Variants in BRD8 observed in about 807,000 individuals in gnomAD.
BRD8 encodes bromodomain containing 8, also known as bromodomain-containing protein 8.
In BRD8, 67 loss-of-function variants were observed where a neutral mutation model predicts 143.1. The ratio of observed to expected loss-of-function variants is 0.47; its 90% CI spans 0.38 to 0.57. The LOEUF (loss-of-function observed/expected upper bound fraction) is 0.57. Among genes scored for constraint, BRD8 ranks in the 20% least tolerant of loss-of-function variants. The probability of loss-of-function intolerance (pLI) is 0.00; values close to 1 mark genes in which losing one functional copy is unlikely to be tolerated. For synonymous variants in BRD8, 505 were observed against 517.1 expected (o/e 0.98, Z 0.32); for missense variants, 1,103 against 1,503.0 (o/e 0.73, Z 4.40).
chr5:138,140,649 C>T, intron 26 of BRD8, 56 bp downstream of exon 26: 2 of 1,552,138 alleles, frequency 1.3e-6, no homozygotes, highest in Non-Finnish European at 1.8e-6. Flanking sequence ...CACCTTTATT[C>T]TCATAGGCGT....
chr5:138,160,893 G>A lies in BRD8; in HGVS notation c.2425C>T (p.Gln809Ter). The A allele has an allele frequency of 6.3e-7, 1 of 1,589,648 alleles. No homozygotes were observed. The highest frequency in any genetic ancestry group is 8.6e-7 in the Non-Finnish European group (1 of 1,167,534). ...AACACAAAGGATCCTCAAAGTACCTGGATCTGTTCCAAGACATCTCGCTGC... is the reference window on the plus strand; with the variant it reads ...AACACAAAGGATCCTCAAAGTACCTAGATCTGTTCCAAGACATCTCGCTGC... ...EMQRDVLEQI[Q>*]QFLATQLIMQ... Residue 809 changes from glutamine (Q) to a stop codon, truncating the protein, a stop_gained and splice_region_variant, in exon 18 of 27, where the codon CAG becomes TAG. Coordinates refer to ENST00000254900, the MANE Select transcript of BRD8 (RefSeq NM_139199.2). LOFTEE classifies it high-confidence loss of function.
intron 15 of BRD8, among the ~76,000 whole-genome samples, chr5:138,162,455 C>CA (rs1454157679): frequency 6.6e-6 from 1 of 151,982 alleles, no homozygotes; most frequent in African/African-American, 2.4e-5. Flanking sequence ...CTTAGCCTCC[C>CA]AAAGTGCTGG....
rs908535300 is a variant in BRD8 at position 138,161,665 on chromosome 5, A to G, written c.2249+131T>C. ...ATCTAGCCACTGGAATTATCAGTTT[A>G]GCACTCAGTGCCCCTTATAGCAAAA... On this transcript the variant is annotated intron_variant, in intron 17 of 26. Transcript: ENST00000254900. The G allele has an allele frequency of 7.6e-6, 6 of 786,094 alleles. No homozygotes were observed. The African/African-American group carries it at 1.0e-4, about 14-fold the overall frequency. 48.7% of individuals were successfully genotyped at this position (786,094 alleles called of 1,614,324 possible).
intron 23 of BRD8, among the ~76,000 whole-genome samples, chr5:138,147,904 C>T (rs1159577678): frequency 6.6e-6 from 1 of 151,724 alleles, no homozygotes; most frequent in East Asian, 1.9e-4. Flanking sequence ...TGCCATTGCA[C>T]TCTAACTTGG....
chr5:138,178,242 G>A (rs758277401), intron 1 of BRD8, among the ~76,000 whole-genome samples: 4 of 152,268 alleles, frequency 2.6e-5, no homozygotes, highest in Middle Eastern at 3.4e-3. Flanking sequence ...ACAAACGTCA[G>A]ACAAAAAAAT....
chr5:138,166,335 T>C (rs1464547716), intron 10 of BRD8, 183 bp downstream of exon 10: 63 of 617,466 alleles, frequency 1.0e-4, no homozygotes, highest in Non-Finnish European at 2.3e-5. Flanking sequence ...CTGCAATACA[T>C]AAATGCCCAC....
chr5:138,170,435 G>A (rs749792013), intron 6 of BRD8, 26 bp from the exon 7 acceptor site: 2 of 1,613,356 alleles, frequency 1.2e-6, no homozygotes, highest in South Asian at 1.1e-5. Flanking sequence ...AGGGTTAGAT[G>A]CTAGACAGCT....
chr5:138,156,434 G>A (rs955416163), intron 20 of BRD8, among the ~76,000 whole-genome samples: 5 of 151,974 alleles, frequency 3.3e-5, no homozygotes, highest in Admixed American at 6.6e-5. Flanking sequence ...CACCACGCCC[G>A]GCCGCCAAGA....
rs766639644 is a variant in BRD8 at position 138,140,024 on chromosome 5, G to A, written c.*50C>T. 2.5e-5 allele frequency: 36 copies of A among 1,444,984 alleles called. No individual in the cohort carries two copies. Among genetic ancestry groups the A allele is most frequent in the Non-Finnish European group, 3.1e-5 (32 of 1,026,704 alleles). 89.5% of individuals were successfully genotyped at this position (1,444,984 alleles called of 1,614,324 possible). A position where few individuals can be genotyped will look rare whatever the true frequency, so the allele number is the denominator to read the frequency against. ...GTACCAGGATCCTCTCTAGGTCAGAGTTCCGGGAGAGATTCAAACTCTAGA... is the reference window on the plus strand; with the variant it reads ...GTACCAGGATCCTCTCTAGGTCAGAATTCCGGGAGAGATTCAAACTCTAGA... On this transcript the variant is annotated 3_prime_UTR_variant, in exon 27 of 27. Coordinates refer to ENST00000254900, the MANE Select transcript of BRD8 (RefSeq NM_139199.2).
In BRD8 at chr5:138,151,792, T is replaced by C. The variant is rs547667996; in HGVS notation, c.2856+690A>G. On this transcript the variant is annotated intron_variant, in intron 21 of 26. Coordinates refer to ENST00000254900, the MANE Select transcript of BRD8 (RefSeq NM_139199.2). ...GATTCTCCTGCCTCAGCCTCCCAGG[T>C]AGCTGGGATTACAGGCACATGCCAC... Among the ~76,000 whole-genome samples the C allele has an allele frequency of 1.3e-4, 20 of 150,988 alleles. 1 individual carries two copies. The South Asian group carries it at 4.0e-3, about 30-fold the overall frequency.
At chr5:138,161,900 C>G (rs1162804469) in intron 16 of BRD8, 36 bp from the exon 17 acceptor site, 17 of 1,609,880 alleles carry the variant, frequency 1.1e-5, no homozygotes, top group East Asian at 2.2e-5. Context: ...TACTGACATT[C>G]TCCAGAAGTG....
At chr5:138,147,106 C>A (rs1752185133) in intron 23 of BRD8, among the ~76,000 whole-genome samples, 1 of 150,878 alleles carries the variant, frequency 6.6e-6, no homozygotes, top group Admixed American at 6.6e-5. Context: ...CCTCACCAAT[C>A]TACATTTTAA....
chr5:138,162,289 C>T, intron 15 of BRD8, 143 bp from the exon 16 acceptor site: 1 of 634,256 alleles, frequency 1.6e-6, no homozygotes, highest in East Asian at 2.8e-5. Flanking sequence ...CCCTCAACCT[C>T]CCAGACTCAA....
Position 138,160,159 on chromosome 5 carries a change from C to G in BRD8, c.2442G>C (p.Thr814=). Residue 814 remains threonine, a synonymous_variant, in exon 19 of 27, where the codon ACG becomes ACC. Transcript: ENST00000254900. ...VLEQIQQFLA[T]QLIMQTSESG... ...ACTCGGATGTTTGCATAATCAACTGCGTGGCCAAGAATTGCTGTAGGGAGA... is the reference window on the plus strand; with the variant it reads ...ACTCGGATGTTTGCATAATCAACTGGGTGGCCAAGAATTGCTGTAGGGAGA... 1 of 1,613,994 alleles carries G rather than the reference C, an allele frequency of 6.2e-7. No individual in the cohort carries two copies. Among genetic ancestry groups the G allele is most frequent in the Non-Finnish European group, 8.5e-7 (1 of 1,179,898 alleles).
intron 7 of BRD8, 53 bp downstream of exon 7, chr5:138,170,292 G>T: frequency 1.7e-6 from 2 of 1,187,398 alleles, no homozygotes; most frequent in Non-Finnish European, 2.5e-6. Flanking sequence ...ACTGTCATTA[G>T]CATGCAGTAC....
chr5:138,170,046 CATCTAATGA>C (rs1753745141), intron 7 of BRD8, among the ~76,000 whole-genome samples: 1 of 152,212 alleles, frequency 6.6e-6, no homozygotes, highest in Admixed American at 6.5e-5. Flanking sequence ...AATTTCTCCT[CATCTAATGA>C]CTGAGCTATT....
chr5:138,166,170 G>T, intron 10 of BRD8, 62 bp from the exon 11 acceptor site: 1 of 1,157,892 alleles, frequency 8.6e-7, no homozygotes, highest in South Asian at 1.3e-5. Context: ...ACCACCTTGA[G>T]ATCACATAAG....
At chr5:138,168,178 T>C (rs771124973) in intron 8 of BRD8, 100 bp from the exon 9 acceptor site, 1 of 819,348 alleles carries the variant, frequency 1.2e-6, no homozygotes, top group Non-Finnish European at 2.0e-6. Context: ...TGAAAACTAA[T>C]AGCTAATATC....
intron 3 of BRD8, among the ~76,000 whole-genome samples, 177 bp downstream of exon 3, chr5:138,171,888 G>C (rs1392489261): frequency 6.6e-6 from 1 of 151,970 alleles, no homozygotes; most frequent in Non-Finnish European, 1.5e-5. Flanking sequence ...CAATAAGAAA[G>C]GTCTAATATG....
Sources: gnomAD v4.1 joint callset for allele counts (sites outside exome capture counted in the v4.1 genomes callset) on GRCh38, gnomAD v4.1.1 for gene constraint, MANE v1.5 for transcripts, NCBI Gene and HGNC (gene_info 2026-07-23, HGNC 2026-07-21) for gene names.